GNPDA2: variants seen among roughly 807,000 people sequenced by gnomAD.
GNPDA2 encodes the protein glcN6P deaminase 2.
GNPDA2 carries 24 observed loss-of-function variants against 27.0 expected under a neutral mutation model. The observed-to-expected ratio is 0.89, with a 90% confidence interval of 0.64 to 1.25. GNPDA2 has a LOEUF of 1.25. Among genes scored for constraint, GNPDA2 ranks in the 50% most tolerant of loss-of-function variants. GNPDA2 has a pLI of 0.00. For missense variants in GNPDA2, 286 were observed against 335.1 expected (o/e 0.85, Z 1.14); for synonymous variants, 94 against 108.4 (o/e 0.87, Z 0.83).
chr4:44,707,925 A>G lies in GNPDA2; in HGVS notation c.596T>C (p.Val199Ala). Residue 199 changes from valine (V) to alanine (A), a missense_variant and splice_region_variant, in exon 6 of 7, where the codon GTA becomes GCA. Transcript: ENST00000295448. ...GTGTGCCCCTGTTATAAGGATCATT[A>G]CCTGAAAAATTATGAACATCAATTG... ...GVGTVMDARE[V>A]MILITGAHKA... 6.4e-7 allele frequency: 1 copy of G among 1,568,034 alleles called. No individual in the cohort carries two copies. The highest frequency in any genetic ancestry group is 8.7e-7 in the Non-Finnish European group (1 of 1,153,336).
At chr4:44,721,384 A>G (rs1037111922) in intron 2 of GNPDA2, among the ~76,000 whole-genome samples, 4 of 152,172 alleles carry the variant, frequency 2.6e-5, no homozygotes, top group Non-Finnish European at 5.9e-5. Context: ...ACCAAGGCTC[A>G]GGGGTATAGA....
chr4:44,712,716 C>T (rs552119337), intron 4 of GNPDA2, among the ~76,000 whole-genome samples: 26 of 152,246 alleles, frequency 1.7e-4, no homozygotes, highest in African/African-American at 5.8e-4. Context: ...CTACTACTGA[C>T]CTCACTGATG....
rs527787866 is a variant in GNPDA2, at chr4:44,720,115, A to G, written c.125-1705T>C. 2.0e-4 allele frequency among the ~76,000 whole-genome samples: 30 copies of G among 152,284 alleles called. No individual in the cohort carries two copies. The East Asian group carries it at 5.6e-3, about 28-fold the overall frequency. On this transcript the variant is annotated intron_variant, in intron 2 of 6. Transcript: ENST00000295448. Reference sequence around the variant, plus strand: ...ATACACTTTCAACAAAGAGGAAACTAACTCAGAGCAGAGAAAAGATGGAGC... The same window carrying G: ...ATACACTTTCAACAAAGAGGAAACTGACTCAGAGCAGAGAAAAGATGGAGC...
chr4:44,706,234 T>G (rs1716596224), intron 6 of GNPDA2: 1 of 151,872 alleles, frequency 6.6e-6, no homozygotes, highest in Non-Finnish European at 1.5e-5. Flanking sequence ...GTTTTTCAGT[T>G]TTTCAGTTTG....
chr4:44,707,847 G>A lies in GNPDA2; in HGVS notation c.674C>T (p.Thr225Ile). 1 of 1,613,174 alleles carries A rather than the reference G, an allele frequency of 6.2e-7. No homozygotes were observed. The highest frequency in any genetic ancestry group is 2.2e-5 in the East Asian group (1 of 44,862). Residue 225 changes from threonine (T) to isoleucine (I), a missense_variant, in exon 6 of 7, where the codon ACT becomes ATT. Transcript: ENST00000295448. ...AIEEGVNHMWTVSAFQQHPRT... is the reference protein window; with the variant it reads ...AIEEGVNHMWIVSAFQQHPRT... ...GGGATGCTGCTGGAAAGCGGAAACA[G>A]TCCACATGTGATTGACTCCTTCTTC...
chr4:44,704,135 G>C, intron 6 of GNPDA2: 1 of 985,122 alleles, frequency 1.0e-6, no homozygotes. Flanking sequence ...AGAGTACTGG[G>C]AAGTGTTTGT....
chr4:44,710,290 C>T (rs943725859), intron 5 of GNPDA2, among the ~76,000 whole-genome samples: 44 of 151,978 alleles, frequency 2.9e-4, no homozygotes, highest in Non-Finnish European at 1.3e-4. Flanking sequence ...TTCCTCTGAA[C>T]CTGTCCAATC....
intron 6 of GNPDA2, 54 bp downstream of exon 6, chr4:44,707,698 T>G: frequency 6.7e-7 from 1 of 1,495,776 alleles, no homozygotes; most frequent in East Asian, 2.3e-5. Flanking sequence ...CAGTAAGTTT[T>G]AATTGTCACT....
intron 4 of GNPDA2, chr4:44,714,412 TTCC>T (rs1717158030): frequency 1.0e-6 from 1 of 985,298 alleles, no homozygotes; most frequent in South Asian, 4.7e-5. Flanking sequence ...GAGTATGTAT[TTCC>T]TCCTTTTTCT....
At chr4:44,717,393 CTCT>C in intron 3 of GNPDA2, 98 bp from the exon 4 acceptor site, 1 of 611,944 alleles carries the variant, frequency 1.6e-6, no homozygotes, top group South Asian at 2.7e-5. Flanking sequence ...AATCTAACTT[CTCT>C]ATACCATATT....
intron 6 of GNPDA2, 64 bp from the exon 7 acceptor site, chr4:44,703,206 G>T (rs1716381830): frequency 1.1e-5 from 17 of 1,554,444 alleles, no homozygotes; most frequent in Non-Finnish European, 1.5e-5. Context: ...ATTTACTTTA[G>T]ACAACAAAGT....
rs1230830889 is a variant in GNPDA2 at position 44,718,409 on chromosome 4, C to T, written c.126G>A (p.Gly42=). 8.8e-7 allele frequency: 1 copy of T among 1,133,710 alleles called. No homozygotes were observed. Among genetic ancestry groups the T allele is most frequent in the Non-Finnish European group, 1.2e-6 (1 of 811,030 alleles). The allele number at this position is 1,133,710 out of a possible 1,614,324, so 70.2% of individuals were successfully genotyped here. ...DRYFTLGLPT[G]STPLGCYKKL... ...TTTTATAGCATCCTAAAGGTGTACT[C>T]CCTAAAAGACATAAAAATTCCATTT... The change falls in exon 3 of 7, where the codon GGG becomes GGA. Residue 42 remains glycine (G), a splice_region_variant and synonymous_variant. Transcript: ENST00000295448.
intron 3 of GNPDA2, 103 bp from the exon 4 acceptor site, chr4:44,717,398 T>C (rs1038240218): frequency 8.5e-6 from 5 of 591,498 alleles, no homozygotes; most frequent in African/African-American, 7.6e-5. Context: ...AACTTCTCTA[T>C]ACCATATTCA....
chr4:44,702,768 C>A lies in GNPDA2; in HGVS notation c.*313G>T. 1.7e-6 allele frequency: 2 copies of A among 1,148,130 alleles called. No homozygotes were observed. The highest frequency in any genetic ancestry group is 5.5e-5 in the Admixed American group (1 of 18,042). The allele number at this position is 1,148,130 out of a possible 1,614,324, so 71.1% of individuals were successfully genotyped here. On this transcript the variant is annotated 3_prime_UTR_variant, in exon 7 of 7. Transcript: ENST00000295448. ...CACTGGAGTCATATCACAAATGGTG[C>A]CTGATGTGGACACTCTACCTTTAAA...
At chr4:44,717,033 T>C (rs981428773) in intron 4 of GNPDA2, 80 bp downstream of exon 4, 37 of 994,962 alleles carry the variant, frequency 3.7e-5, no homozygotes, top group Non-Finnish European at 5.3e-5. Flanking sequence ...CATTACACAA[T>C]GGGAAGATTT....
chr4:44,714,644 T>C (rs1343525534), intron 4 of GNPDA2: 1 of 985,042 alleles, frequency 1.0e-6, no homozygotes, highest in African/African-American at 1.7e-5. Context: ...TTCTTAGAGT[T>C]TTTATTAACC....
Position 44,714,756 on chromosome 4 carries a change from T to A in GNPDA2, c.409+2357A>T, listed in dbSNP as rs77591100. 3,452 of 667,292 alleles carry A rather than the reference T, an allele frequency of 5.2e-3. 94 individuals carry two copies. In the African/African-American group the frequency reaches 0.057, roughly 11 times the overall value. The allele number at this position is 667,292 out of a possible 1,614,324, so 41.3% of individuals were successfully genotyped here. ...TAGATCAACAAATGAGATTCTTTCA[T>A]GAATACATATCCAATAATAGGGCAT... On this transcript the variant is annotated intron_variant, in intron 4 of 6. Coordinates refer to ENST00000295448, the MANE Select transcript of GNPDA2 (RefSeq NM_138335.3).
intron 4 of GNPDA2, among the ~76,000 whole-genome samples, chr4:44,712,486 G>T (rs1717037144): frequency 1.3e-5 from 2 of 151,816 alleles, no homozygotes; most frequent in Admixed American, 6.6e-5. Flanking sequence ...CCTACATATG[G>T]TTAATATGCA....
intron 3 of GNPDA2, among the ~76,000 whole-genome samples, chr4:44,717,769 C>T (rs1035736052): frequency 3.3e-5 from 5 of 151,888 alleles, no homozygotes; most frequent in Non-Finnish European, 7.4e-5. Flanking sequence ...GATCACAACA[C>T]TTCTTTGGCT....
Sources: allele counts gnomAD v4.1 joint callset (sites outside exome capture counted in the v4.1 genomes callset), GRCh38; gene constraint gnomAD v4.1.1; transcripts MANE v1.5; gene names NCBI Gene and HGNC (gene_info 2026-07-23, HGNC 2026-07-21).